UNC79: variants seen among roughly 807,000 people sequenced by gnomAD.
UNC79 encodes the protein protein unc-79 homolog.
A neutral mutation model predicts 283.1 loss-of-function variants in UNC79; 37 were observed. That is an observed-to-expected ratio of 0.13 (90% CI 0.10 to 0.17). The LOEUF (loss-of-function observed/expected upper bound fraction) is 0.17. UNC79 is among the 10% of genes least tolerant of loss of function. The pLI is 1.00. For missense variants in UNC79, 2,272 were observed against 3,211.1 expected (o/e 0.71, Z 7.07); for synonymous variants, 1,107 against 1,200.2 (o/e 0.92, Z 1.61).
At chr14:93,591,635 C>T (rs891737009) in intron 22 of UNC79, among the ~76,000 whole-genome samples, 10 of 152,258 alleles carry the variant, frequency 6.6e-5, no homozygotes, top group Non-Finnish European at 4.4e-5. Context: ...TGAGCAGCTG[C>T]AGCTGCAGAC....
At chr14:93,364,338 A>G (rs2054286784) in intron 1 of UNC79, among the ~76,000 whole-genome samples, 1 of 152,108 alleles carries the variant, frequency 6.6e-6, no homozygotes, top group Admixed American at 6.6e-5. Context: ...ATATAAATAT[A>G]GTGCTATAGA....
At chr14:93,383,930 C>A (rs996843520) in intron 1 of UNC79, among the ~76,000 whole-genome samples, 2 of 152,052 alleles carry the variant, frequency 1.3e-5, no homozygotes, top group African/African-American at 4.8e-5. Flanking sequence ...TGCCACCATC[C>A]ATGTAAGATG....
At chr14:93,596,230 G>C (rs1241394614) in intron 23 of UNC79, among the ~76,000 whole-genome samples, 3 of 152,204 alleles carry the variant, frequency 2.0e-5, no homozygotes, top group Non-Finnish European at 4.4e-5. Flanking sequence ...CAAATGAGTA[G>C]TACTTTTACA....
At chr14:93,578,336 A>G (rs2063586497) in intron 18 of UNC79, among the ~76,000 whole-genome samples, 1 of 152,252 alleles carries the variant, frequency 6.6e-6, no homozygotes, top group South Asian at 2.1e-4. Flanking sequence ...TGCATTAACA[A>G]AAAGGATGAT....
intron 18 of UNC79, among the ~76,000 whole-genome samples, chr14:93,578,788 T>C (rs1251563187): frequency 6.6e-6 from 1 of 152,190 alleles, no homozygotes; most frequent in African/African-American, 2.4e-5. Flanking sequence ...TTGCAGAAAT[T>C]ATTAATTTTG....
At chr14:93,498,301 A>T (rs185991204) in intron 7 of UNC79, among the ~76,000 whole-genome samples, 4 of 151,676 alleles carry the variant, frequency 2.6e-5, no homozygotes, top group South Asian at 2.1e-4. Context: ...TAAAAAATAA[A>T]AAATAGGTCA....
intron 40 of UNC79, among the ~76,000 whole-genome samples, chr14:93,671,914 A>G (rs2072904215): frequency 6.6e-6 from 1 of 152,206 alleles, no homozygotes. Flanking sequence ...ACAAATGGCC[A>G]ACAGGCATAT....
rs202073110 is a variant in UNC79 at position 93,621,894 on chromosome 14, C to T, written c.4661C>T (p.Thr1554Met). Residue 1554 changes from threonine (T) to methionine (M), a missense_variant, in exon 30 of 49, where the codon ACG becomes ATG. Thr to Met is a moderately conservative substitution (Grantham distance 81). Transcript: ENST00000555664. This position sits in a 1 kb window ranked among gnomAD's most constrained non-coding sequence, Gnocchi z 4.8. ...GGACGTTCTAGACAGAACTCTGCTA[C>T]GAGGCCTGACAATAGTGAAATCCCC... The T allele has an allele frequency of 6.3e-5, 101 of 1,614,032 alleles. No homozygotes were observed. The South Asian group carries it at 1.0e-3, about 17-fold the overall frequency.
chr14:93,673,354 C>T lies in UNC79; in HGVS notation c.6640C>T (p.Arg2214Ter). ...CCTTCTGTTTTGTTTTCTTTAGGAA[C>T]GAGATAAATTCTACTTGTCTCGTAG... Residue 2214 changes from arginine to a stop codon, truncating the protein, a stop_gained, in exon 41 of 49, where the codon CGA (arginine) becomes TGA (stop). Coordinates refer to ENST00000555664, the Ensembl canonical transcript of UNC79. LOFTEE classifies it high-confidence loss of function. 1 of 1,611,450 alleles carries T rather than the reference C, an allele frequency of 6.2e-7. No individual in the cohort carries two copies. Among genetic ancestry groups the T allele is most frequent in the Non-Finnish European group, 8.5e-7 (1 of 1,178,960 alleles).
At chr14:93,653,659 A>G (rs2070567036) in intron 35 of UNC79, 83 bp from the exon 39 acceptor site, 2 of 1,241,150 alleles carry the variant, frequency 1.6e-6, no homozygotes, top group Non-Finnish European at 2.3e-6. Flanking sequence ...CATGGTGTGC[A>G]AATGTCTGAA....
chr14:93,348,280 G>A (rs2053910705), intron 1 of UNC79: 1 of 571,610 alleles, frequency 1.7e-6, no homozygotes, highest in Middle Eastern at 2.7e-4. Context: ...TTAGTACTGT[G>A]CATTATATAG....
chr14:93,378,164 T>C (rs755737297), intron 1 of UNC79, among the ~76,000 whole-genome samples: 14 of 152,318 alleles, frequency 9.2e-5, no homozygotes, highest in Non-Finnish European at 1.5e-4. Flanking sequence ...TAAAGGAGTA[T>C]TTCCCAAATG....
intron 8 of UNC79, 94 bp from the exon 9 acceptor site, chr14:93,528,464 A>G: frequency 8.4e-7 from 1 of 1,191,266 alleles, no homozygotes; most frequent in Non-Finnish European, 1.2e-6. Flanking sequence ...TCGCTTGTGG[A>G]AAATCTGTCA....
rs1477426743 is a variant in UNC79, at chr14:93,474,739, A to G, written c.448+346A>G. On this transcript the variant is annotated intron_variant, in intron 3 of 48. Coordinates refer to ENST00000555664, the Ensembl canonical transcript of UNC79. This position sits in a 1 kb window ranked among gnomAD's most constrained non-coding sequence, Gnocchi z 4.1. Reference sequence around the variant, plus strand: ...AGATAAGATTTTAAAACTGTCACCCAGAAAATTAAGAAGTAGAGCATGAAG... The same window carrying G: ...AGATAAGATTTTAAAACTGTCACCCGGAAAATTAAGAAGTAGAGCATGAAG... Among the ~76,000 whole-genome samples, 7 of 152,226 alleles carry G rather than the reference A, an allele frequency of 4.6e-5. No homozygotes were observed. The highest frequency in any genetic ancestry group is 1.3e-4 in the Admixed American group (2 of 15,286).
At chr14:93,627,441 G>A (rs904368196) in intron 30 of UNC79, among the ~76,000 whole-genome samples, 2 of 152,104 alleles carry the variant, frequency 1.3e-5, no homozygotes, top group African/African-American at 4.8e-5. Flanking sequence ...TATTTAGTTC[G>A]AGAGTCTACA....
At chr14:93,662,787 CA>C in intron 40 of UNC79, 73 bp downstream of exon 43, 2 of 1,210,770 alleles carry the variant, frequency 1.7e-6, no homozygotes, top group Non-Finnish European at 2.3e-6. Flanking sequence ...GAATCAGTGT[CA>C]AGTCCCTTTT....
At chr14:93,643,724 G>GTCTC in intron 34 of UNC79, 27 bp downstream of exon 37, 2 of 1,610,118 alleles carry the variant, frequency 1.2e-6, no homozygotes, top group Non-Finnish European at 1.7e-6. Flanking sequence ...GTTTTGTTTG[G>GTCTC]TAGGAAGGTC....
At chr14:93,532,445 G>T (rs1396193389) in intron 10 of UNC79, 105 bp from the exon 11 acceptor site, 2 of 1,359,124 alleles carry the variant, frequency 1.5e-6, no homozygotes, top group Non-Finnish European at 2.0e-6. Flanking sequence ...ACTCCAGCCT[G>T]ATTGACAGAG....
intron 1 of UNC79, among the ~76,000 whole-genome samples, chr14:93,446,001 A>G (rs1040763312): frequency 2.6e-5 from 4 of 152,054 alleles, no homozygotes; most frequent in Non-Finnish European, 5.9e-5. Context: ...GATATTGGCA[A>G]TTTATGTCTC....
Sources: allele counts gnomAD v4.1 joint callset (sites outside exome capture counted in the v4.1 genomes callset), GRCh38; gene constraint gnomAD v4.1.1; non-coding constraint Gnocchi (gnomAD v3.1); transcripts MANE v1.5; gene names NCBI Gene and HGNC (gene_info 2026-07-23, HGNC 2026-07-21).